UMPS: variants seen among roughly 807,000 people sequenced by gnomAD.
UMPS encodes the protein uridine 5'-monophosphate synthase.
Under a neutral mutation model 38.9 loss-of-function variants are expected in UMPS, and 21 were observed. The observed-to-expected ratio is 0.54, with a 90% CI of 0.38 to 0.78. The LOEUF (loss-of-function observed/expected upper bound fraction) is 0.78, where lower values mean the gene tolerates loss of function less well. Among genes scored for constraint, UMPS ranks in the 30% least tolerant of loss-of-function variants. The pLI, the probability that UMPS is intolerant of heterozygous loss-of-function variation, is 0.00. For missense variants in UMPS, 533 were observed against 591.6 expected (o/e 0.90, Z 1.03); for synonymous variants, 208 against 219.3 (o/e 0.95, Z 0.45).
At position 124,748,130 on chromosome 3, in the gene UMPS, A is replaced by G. The variant is rs1168454717; in HGVS notation, c.*4046A>G. Reference sequence around the variant, plus strand: ...TATAATAGTATATATAAATAATACTATATTGCCCAGGCTGGTCTCGAACTC... The same window carrying G: ...TATAATAGTATATATAAATAATACTGTATTGCCCAGGCTGGTCTCGAACTC... On this transcript the variant is annotated 3_prime_UTR_variant, in exon 6 of 6. Transcript: ENST00000232607. 4 of 417,160 alleles carry G rather than the reference A, an allele frequency of 9.6e-6. No individual in the cohort carries two copies. In the East Asian group the frequency reaches 2.1e-4, roughly 22 times the overall value. 25.8% of individuals were successfully genotyped at this position (417,160 alleles called of 1,614,324 possible).
At position 124,745,426 on chromosome 3, in the gene UMPS, C is replaced by T. The variant is rs183081203; in HGVS notation, c.*1342C>T. The T allele has an allele frequency of 7.1e-5, 32 of 453,472 alleles. No individual in the cohort carries two copies. Among genetic ancestry groups the T allele is most frequent in the Admixed American group, 5.4e-4 (23 of 42,512 alleles). The allele number at this position is 453,472 out of a possible 1,614,324, so 28.1% of individuals were successfully genotyped here. ...TCGCCCAGGCTGGAGTTCAGTGGCACGATCTCGGCTCACTGCAACTTCTGC... is the reference window on the plus strand; with the variant it reads ...TCGCCCAGGCTGGAGTTCAGTGGCATGATCTCGGCTCACTGCAACTTCTGC... On this transcript the variant is annotated 3_prime_UTR_variant, in exon 6 of 6. Transcript: ENST00000232607.
Position 124,744,278 on chromosome 3 carries a change from A to G in UMPS, c.*194A>G, listed in dbSNP as rs1338440587. ...TTTGTAATCACCGCATTGATACTAT[A>G]ATAAGTTCATTCTTAAGCTTGCTTT... On this transcript the variant is annotated 3_prime_UTR_variant, in exon 6 of 6. Transcript: ENST00000232607. The G allele has an allele frequency of 1.4e-6, 1 of 717,970 alleles. No homozygotes were observed. Among genetic ancestry groups the G allele is most frequent in the Non-Finnish European group, 2.4e-6 (1 of 412,872 alleles). 44.5% of individuals were successfully genotyped at this position (717,970 alleles called of 1,614,324 possible).
rs1318273502 is a variant in UMPS at position 124,747,011 on chromosome 3, T to C, written c.*2927T>C. The stretch of plus-strand genomic sequence containing the variant: ...TAGGCCGAGGGCTGGTTTTTTGTTT[T>C]GTTTTGTTTGTTTGATACAGGGTCT... On this transcript the variant is annotated 3_prime_UTR_variant, in exon 6 of 6. Transcript: ENST00000232607. 2.2e-6 allele frequency: 1 copy of C among 447,312 alleles called. No individual in the cohort carries two copies. The highest frequency in any genetic ancestry group is 4.5e-6 in the Non-Finnish European group (1 of 224,480). The allele number at this position is 447,312 out of a possible 1,614,324, so 27.7% of individuals were successfully genotyped here.
chr3:124,738,001 AAAG>A lies in UMPS; in HGVS notation c.748_750del (p.Lys250del). 1 of 1,614,174 alleles carries A rather than the reference AAAG, an allele frequency of 6.2e-7. No homozygotes were observed. Among genetic ancestry groups the A allele is most frequent in the South Asian group, 1.1e-5 (1 of 91,090 alleles). On this transcript the variant is annotated inframe_deletion, in exon 3 of 6. Transcript: ENST00000232607. Reference sequence around the variant, plus strand: ...CATCGAAGCTTCTCAGGCTTATGCAAAAGAAGGAGACCAATCTGTGTCTATCTG... The same window carrying A: ...CATCGAAGCTTCTCAGGCTTATGCAAAAGGAGACCAATCTGTGTCTATCTG...
At position 124,737,762 on chromosome 3, in the gene UMPS, C is replaced by T. The variant is rs536117596; in HGVS notation, c.505C>T (p.Arg169Cys). The change falls in exon 3 of 6, where the codon CGC becomes TGC. Residue 169 changes from arginine (R) to cysteine (C), a missense_variant. Transcript: ENST00000232607. ...GGACAAGTTGCAGGCGCACGGGATCCGCCTCCACTCAGTGTGTACATTGTC... is the reference window on the plus strand; with the variant it reads ...GGACAAGTTGCAGGCGCACGGGATCTGCCTCCACTCAGTGTGTACATTGTC... ...GKDKLQAHGI[R>C]LHSVCTLSKM... 96 of 1,614,030 alleles carry T rather than the reference C, an allele frequency of 5.9e-5. 1 individual carries two copies. Among genetic ancestry groups the T allele is most frequent in the South Asian group, 8.8e-5 (8 of 91,078 alleles).
intron 3 of UMPS, among the ~76,000 whole-genome samples, chr3:124,739,466 G>T (rs1041663415): frequency 6.6e-6 from 1 of 151,990 alleles, no homozygotes; most frequent in Non-Finnish European, 1.5e-5. Flanking sequence ...CAAGTAGCTG[G>T]GACCACAGGC....
In UMPS at chr3:124,735,162, T is replaced by C; in HGVS notation, c.226T>C (p.Tyr76His). 1 of 1,614,212 alleles carries C rather than the reference T, an allele frequency of 6.2e-7. No homozygotes were observed. The highest frequency in any genetic ancestry group is 8.5e-7 in the Non-Finnish European group (1 of 1,180,014). Residue 76 changes from tyrosine to histidine, a missense_variant, in exon 2 of 6, where the codon TAT (tyrosine) becomes CAT (histidine). Coordinates refer to ENST00000232607, the MANE Select transcript of UMPS (RefSeq NM_000373.4). The part of the protein sequence containing the change: ...ISFDTVCGVP[Y>H]TALPLATVIC... ...TTTTGACACCGTGTGTGGAGTGCCT[T>C]ATACAGCTTTGCCATTGGCTACAGT...
Position 124,747,232 on chromosome 3 carries a change from CTG to C in UMPS, c.*3151_*3152del, listed in dbSNP as rs1296817501. 3 of 452,244 alleles carry C rather than the reference CTG, an allele frequency of 6.6e-6. No individual in the cohort carries two copies. The highest frequency in any genetic ancestry group is 1.3e-5 in the Non-Finnish European group (3 of 225,232). 28.0% of individuals were successfully genotyped at this position (452,244 alleles called of 1,614,324 possible). A position where few individuals can be genotyped will look rare whatever the true frequency, so the allele number is the denominator to read the frequency against. ...GTAGAGACGGTGGAGGAGGTTCTCA[CTG>C]TGACTCAGTGTGTGCCCGACAGCAG... On this transcript the variant is annotated 3_prime_UTR_variant, in exon 6 of 6. Coordinates refer to ENST00000232607, the MANE Select transcript of UMPS (RefSeq NM_000373.4).
chr3:124,735,217 T>G lies in UMPS; in HGVS notation c.281T>G (p.Leu94Arg). ...TGTTCAACCAATCAAATTCCAATGC[T>G]TATTAGAAGGAAAGAAACAAAGGAT... ...VICSTNQIPM[L>R]IRRKETKDYG... is the part of the protein sequence containing the mutation. Residue 94 changes from leucine to arginine, a missense_variant, in exon 2 of 6, where the codon CTT becomes CGT. Coordinates refer to ENST00000232607, the MANE Select transcript of UMPS (RefSeq NM_000373.4). 1 of 1,613,750 alleles carries G rather than the reference T, an allele frequency of 6.2e-7. No homozygotes were observed. The highest frequency in any genetic ancestry group is 1.3e-5 in the African/African-American group (1 of 75,026).
chr3:124,733,597 C>A, intron 1 of UMPS: 2 of 188,996 alleles, frequency 1.1e-5, no homozygotes, highest in East Asian at 1.2e-4. Context: ...CAAAGTTGCT[C>A]ACTGCAGTAA....
rs1057306723 is a variant in UMPS at position 124,744,249 on chromosome 3, G to A, written c.*165G>A. On this transcript the variant is annotated 3_prime_UTR_variant, in exon 6 of 6. Coordinates refer to ENST00000232607, the MANE Select transcript of UMPS (RefSeq NM_000373.4). ...TCTCATGGTCTTTAGGAAATATTGA[G>A]TAATTTGTAATCACCGCATTGATAC... 1.1e-5 allele frequency: 9 copies of A among 810,292 alleles called. No individual in the cohort carries two copies. The African/African-American group carries it at 1.5e-4, about 14-fold the overall frequency. The allele number at this position is 810,292 out of a possible 1,614,324, so 50.2% of individuals were successfully genotyped here.
At chr3:124,734,614 A>C (rs2063504562) in intron 1 of UMPS, among the ~76,000 whole-genome samples, 1 of 152,152 alleles carries the variant, frequency 6.6e-6, no homozygotes, top group Admixed American at 6.5e-5. Context: ...GTTTATGGAG[A>C]GGGTAATAAA....
At chr3:124,734,016 G>A (rs188741523) in intron 1 of UMPS, among the ~76,000 whole-genome samples, 2 of 152,210 alleles carry the variant, frequency 1.3e-5, no homozygotes, top group African/African-American at 2.4e-5. Flanking sequence ...GCAATTTCAC[G>A]TTTTGTTTTT....
At chr3:124,742,969 A>G (rs188062576) in intron 5 of UMPS, among the ~76,000 whole-genome samples, 1 of 152,244 alleles carries the variant, frequency 6.6e-6, no homozygotes, top group Admixed American at 6.5e-5. Context: ...AAAATTTGAC[A>G]TTGAGGGGGT....
chr3:124,737,890 T>C lies in UMPS; in HGVS notation c.633T>C (p.His211=). Residue 211 remains histidine (H), a synonymous_variant, in exon 3 of 6, where the codon CAT becomes CAC. Coordinates refer to ENST00000232607, the MANE Select transcript of UMPS (RefSeq NM_000373.4). The stretch of plus-strand genomic sequence containing the variant: ...AGAATGTCTTTGTGGCAGCGAATCA[T>C]AATGGTTCTCCCCTTTCTATAAAGG... ...IQENVFVAAN[H]NGSPLSIKEA... The C allele has an allele frequency of 6.2e-7, 1 of 1,614,242 alleles. No individual in the cohort carries two copies. Among genetic ancestry groups the C allele is most frequent in the Admixed American group, 1.7e-5 (1 of 60,024 alleles).
chr3:124,732,907 GATTT>G (rs2063490198), intron 1 of UMPS, among the ~76,000 whole-genome samples: 1 of 151,586 alleles, frequency 6.6e-6, no homozygotes, highest in African/African-American at 2.4e-5. Flanking sequence ...GGGAAAAATT[GATTT>G]ATTTTAATAA....
chr3:124,738,350 C>T lies in UMPS; in HGVS notation c.982+111C>T, dbSNP rs17843821. ...TCCATTCATAGAGCAGGCTGTCAAG[C>T]GTGGTTGGATCCAGGAGCTCAAGTG... On this transcript the variant is annotated intron_variant, in intron 3 of 5. Coordinates refer to ENST00000232607, the MANE Select transcript of UMPS (RefSeq NM_000373.4). 19,000 of 1,212,420 alleles carry T rather than the reference C, an allele frequency of 0.016. 291 individuals are homozygous for T. Among genetic ancestry groups the T allele is most frequent in the East Asian group, 0.061 (2,406 of 39,526 alleles). The allele number at this position is 1,212,420 out of a possible 1,614,324, so 75.1% of individuals were successfully genotyped here.
In UMPS at chr3:124,730,480, C is replaced by T. The variant is rs1553747632; in HGVS notation, c.9C>T (p.Val3=). The T allele has an allele frequency of 3.1e-6, 5 of 1,614,002 alleles. No individual in the cohort carries two copies. The highest frequency in any genetic ancestry group is 2.7e-5 in the African/African-American group (2 of 74,924). Reference sequence around the variant, plus strand: ...ACAGGCAGCGCGCGACAATGGCGGTCGCTCGTGCAGCTTTGGGGCCATTGG... The same window carrying T: ...ACAGGCAGCGCGCGACAATGGCGGTTGCTCGTGCAGCTTTGGGGCCATTGG... MA[V]ARAALGPLVT... The change falls in exon 1 of 6, where the codon GTC becomes GTT. Residue 3 remains valine (V), a synonymous_variant. Transcript: ENST00000232607.
chr3:124,749,072 CTGCAGGG>C lies in UMPS; in HGVS notation c.*4991_*4997del, dbSNP rs1448654000. 1 of 453,982 alleles carries C rather than the reference CTGCAGGG, an allele frequency of 2.2e-6. No homozygotes were observed. Among genetic ancestry groups the C allele is most frequent in the African/African-American group, 2.0e-5 (1 of 49,998 alleles). The allele number at this position is 453,982 out of a possible 1,614,324, so 28.1% of individuals were successfully genotyped here. A position where few individuals can be genotyped will look rare whatever the true frequency, so the allele number is the denominator to read the frequency against. On this transcript the variant is annotated 3_prime_UTR_variant, in exon 6 of 6. Transcript: ENST00000232607. ...CATTGTCTCCCTGCACTTAGCAGCC[CTGCAGGG>C]TGAGACTTGGGGAGGATCCTGAAAT...
Sources: allele counts gnomAD v4.1 joint callset (sites outside exome capture counted in the v4.1 genomes callset), GRCh38; gene constraint gnomAD v4.1.1; transcripts MANE v1.5; gene names NCBI Gene and HGNC (gene_info 2026-07-23, HGNC 2026-07-21).